The following TTLL2 variants were observed in gnomAD, a reference collection of about 807,000 sequenced individuals.
TTLL2 encodes tubulin tyrosine ligase like 2.
TTLL2 carries 10 observed loss-of-function variants against 7.5 expected under a neutral mutation model. That is an observed-to-expected ratio of 1.33 (90% CI 0.82 to 2.25). The LOEUF (loss-of-function observed/expected upper bound fraction) is 2.25, where lower values mean the gene tolerates loss of function less well. Among genes scored for constraint, TTLL2 ranks in the 30% most tolerant of loss-of-function variants. The probability of loss-of-function intolerance (pLI) is 0.00; values close to 1 mark genes in which losing one functional copy is unlikely to be tolerated. For synonymous variants in TTLL2, 284 were observed against 280.3 expected (o/e 1.01, Z -0.13); for missense variants, 733 against 735.7 (o/e 1.00, Z 0.04).
chr6:167,336,598 A>G (rs1778985851), intron 1 of TTLL2, among the ~76,000 whole-genome samples: 2 of 152,108 alleles, frequency 1.3e-5, no homozygotes, highest in African/African-American at 4.8e-5. Flanking sequence ...GAAAATCTGC[A>G]GGGAGAACTG....
chr6:167,330,532 C>T (rs751811983), intron 1 of TTLL2, among the ~76,000 whole-genome samples: 124 of 151,562 alleles, frequency 8.2e-4, no homozygotes, highest in Non-Finnish European at 1.5e-3. Flanking sequence ...GCACTCCAGC[C>T]TGGGGGACAA....
Position 167,341,868 on chromosome 6 carries a change from T to A in TTLL2, c.*189T>A, listed in dbSNP as rs1245430776. The stretch of plus-strand genomic sequence containing the variant: ...AAAGCACAATATGTTCAAGTGGTGA[T>A]TAAACTACATTACATCCCATGTTTA... On this transcript the variant is annotated 3_prime_UTR_variant, in exon 3 of 3. Coordinates refer to ENST00000239587, the MANE Select transcript of TTLL2 (RefSeq NM_031949.5). 1 of 616,658 alleles carries A rather than the reference T, an allele frequency of 1.6e-6. No individual in the cohort carries two copies. The highest frequency in any genetic ancestry group is 2.7e-6 in the Non-Finnish European group (1 of 367,166). 38.2% of individuals were successfully genotyped at this position (616,658 alleles called of 1,614,324 possible).
rs1174762850 is a variant in TTLL2 at position 167,340,473 on chromosome 6, C to A, written c.573C>A (p.Phe191Leu). 6.2e-7 allele frequency: 1 copy of A among 1,614,076 alleles called. No individual in the cohort carries two copies. The highest frequency in any genetic ancestry group is 8.5e-7 in the Non-Finnish European group (1 of 1,180,020). The change falls in exon 3 of 3, where the codon TTC (phenylalanine) becomes TTA (leucine). Residue 191 changes from phenylalanine (F) to leucine (L), a missense_variant. By Grantham distance (22) the Phe-to-Leu change is conservative. Transcript: ENST00000239587. Reference sequence around the variant, plus strand: ...TCATGCCCAATGACTATACCAAGTTCGTGGCTGAATACTTTCAGGAGAGGC... The same window carrying A: ...TCATGCCCAATGACTATACCAAGTTAGTGGCTGAATACTTTCAGGAGAGGC... The part of the protein sequence containing the change: ...TFVMPNDYTK[F>L]VAEYFQERQM...
rs577971271 is a variant in TTLL2 at position 167,341,742 on chromosome 6, A to T, written c.*63A>T. On this transcript the variant is annotated 3_prime_UTR_variant, in exon 3 of 3. Transcript: ENST00000239587. ...TTTTAAAAACCAAGGATCCTGTCCT[A>T]GAGAAAGCAATAGTTCAAGTCCCTA... 6.0e-6 allele frequency: 9 copies of T among 1,494,404 alleles called. No individual in the cohort carries two copies. In the South Asian group the frequency reaches 9.8e-5, roughly 16 times the overall value. The allele number at this position is 1,494,404 out of a possible 1,614,324, so 92.6% of individuals were successfully genotyped here.
chr6:167,328,908 C>T (rs2071924988), intron 1 of TTLL2, among the ~76,000 whole-genome samples: 2 of 152,252 alleles, frequency 1.3e-5, no homozygotes, highest in East Asian at 3.9e-4. Context: ...TGTCCACTCT[C>T]TGAATGTGCA....
intron 1 of TTLL2, among the ~76,000 whole-genome samples, chr6:167,331,023 T>C (rs894246416): frequency 3.9e-5 from 6 of 152,212 alleles, no homozygotes; most frequent in African/African-American, 1.2e-4. Flanking sequence ...GGTGAGGTCA[T>C]GGTGCACCAG....
Position 167,341,611 on chromosome 6 carries a change from A to G in TTLL2, c.1711A>G (p.Arg571Gly). 1 of 1,614,228 alleles carries G rather than the reference A, an allele frequency of 6.2e-7. No individual in the cohort carries two copies. Residue 571 changes from arginine (R) to glycine (G), a missense_variant, in exon 3 of 3, where the codon AGG (arginine) becomes GGG (glycine). By Grantham distance (125) the Arg-to-Gly change is moderately radical. Coordinates refer to ENST00000239587, the MANE Select transcript of TTLL2 (RefSeq NM_031949.5). The part of the protein sequence containing the change: ...PFNEATLGAS[R>G]NGLNVKRIIQ... The stretch of plus-strand genomic sequence containing the variant: ...CAATGAAGCAACTCTCGGAGCTTCC[A>G]GGAATGGATTAAATGTCAAAAGAAT...
At chr6:167,325,746 G>A (rs1778840347) in intron 1 of TTLL2, among the ~76,000 whole-genome samples, 4 of 152,088 alleles carry the variant, frequency 2.6e-5, no homozygotes, top group Admixed American at 2.0e-4. Context: ...TGGACCCCAC[G>A]GGGGAAAAGA....
chr6:167,341,132 T>C lies in TTLL2; in HGVS notation c.1232T>C (p.Ile411Thr). 1 of 1,613,886 alleles carries C rather than the reference T, an allele frequency of 6.2e-7. No individual in the cohort carries two copies. The highest frequency in any genetic ancestry group is 8.5e-7 in the Non-Finnish European group (1 of 1,179,992). Residue 411 changes from isoleucine to threonine, a missense_variant, in exon 3 of 3, where the codon ATT (isoleucine) becomes ACT (threonine). Coordinates refer to ENST00000239587, the MANE Select transcript of TTLL2 (RefSeq NM_031949.5). ...GTGAAGAGAAAACTTGTCCATGATA[T>C]TATTGACCTGATTTACTTAAATGGT... The part of the protein sequence containing the change: ...VLVKRKLVHD[I>T]IDLIYLNGLR...
chr6:167,340,703 T>C lies in TTLL2; in HGVS notation c.803T>C (p.Leu268Ser), dbSNP rs768248107. Residue 268 changes from leucine to serine, a missense_variant, in exon 3 of 3, where the codon TTG becomes TCG. Physicochemically the swap from Leu to Ser is moderately radical, Grantham distance 145. Coordinates refer to ENST00000239587, the MANE Select transcript of TTLL2 (RefSeq NM_031949.5). Reference sequence around the variant, plus strand: ...GTTTGTGTTACTGGCTTTAAGCCTTTGACCATTTATGTTTATCAGGAAGGG... The same window carrying C: ...GTTTGTGTTACTGGCTTTAAGCCTTCGACCATTTATGTTTATCAGGAAGGG... ...IYVCVTGFKP[L>S]TIYVYQEGLV... 6.2e-7 allele frequency: 1 copy of C among 1,614,238 alleles called. No individual in the cohort carries two copies. Among genetic ancestry groups the C allele is most frequent in the Non-Finnish European group, 8.5e-7 (1 of 1,180,048 alleles).
intron 1 of TTLL2, among the ~76,000 whole-genome samples, chr6:167,334,025 T>A (rs2115216178): frequency 7.6e-6 from 1 of 131,194 alleles, no homozygotes; most frequent in South Asian, 2.8e-4. Context: ...GTTCTTTTAA[T>A]TGTGATGTTA....
chr6:167,340,104 G>A lies in TTLL2; in HGVS notation c.205-1G>A. The A allele has an allele frequency of 6.4e-7, 1 of 1,561,968 alleles. No individual in the cohort carries two copies. Among genetic ancestry groups the A allele is most frequent in the Non-Finnish European group, 8.6e-7 (1 of 1,157,096 alleles). ...AACCTTTCTCAATGATCCATTTTTA[G>A]AAAAAACCTCATTTGATGGCGGAAG... On this transcript the variant is annotated splice_acceptor_variant, in intron 2 of 2. Transcript: ENST00000239587. LOFTEE classifies it high-confidence loss of function.
chr6:167,331,202 T>C (rs897286131), intron 1 of TTLL2, among the ~76,000 whole-genome samples: 6 of 152,236 alleles, frequency 3.9e-5, no homozygotes, highest in African/African-American at 1.4e-4. Flanking sequence ...AACGATCTGA[T>C]CAGAGTAATT....
chr6:167,341,601 C>T lies in TTLL2; in HGVS notation c.1701C>T (p.Leu567=), dbSNP rs779283642. The T allele has an allele frequency of 8.7e-6, 14 of 1,614,034 alleles. No individual in the cohort carries two copies. Among genetic ancestry groups the T allele is most frequent in the African/African-American group, 4.0e-5 (3 of 74,892 alleles). Residue 567 remains leucine, a synonymous_variant, in exon 3 of 3, where the codon CTC becomes CTT. Transcript: ENST00000239587. ...VLVFPFNEAT[L]GASRNGLNVK... ...TTTTTCCTTTCAATGAAGCAACTCT[C>T]GGAGCTTCCAGGAATGGATTAAATG...
chr6:167,340,836 C>G lies in TTLL2; in HGVS notation c.936C>G (p.Ile312Met). The G allele has an allele frequency of 6.2e-7, 1 of 1,614,160 alleles. No individual in the cohort carries two copies. Among genetic ancestry groups the G allele is most frequent in the South Asian group, 1.1e-5 (1 of 91,076 alleles). The change falls in exon 3 of 3, where the codon ATC (isoleucine) becomes ATG (methionine). Residue 312 changes from isoleucine to methionine, a missense_variant. Transcript: ENST00000239587. ...INKSGASYEKIKEVIGHGCKW... is the reference protein window; with the variant it reads ...INKSGASYEKMKEVIGHGCKW... Reference sequence around the variant, plus strand: ...AATCCGGGGCCTCTTATGAGAAGATCAAAGAAGTGATTGGTCATGGTTGTA... The same window carrying G: ...AATCCGGGGCCTCTTATGAGAAGATGAAAGAAGTGATTGGTCATGGTTGTA...
intron 1 of TTLL2, among the ~76,000 whole-genome samples, chr6:167,338,076 A>G (rs1355585084): frequency 6.6e-6 from 1 of 151,996 alleles, no homozygotes; most frequent in Non-Finnish European, 1.5e-5. Context: ...ACATACAAGC[A>G]GCACAAACAA....
At chr6:167,327,910 A>G (rs193224395) in intron 1 of TTLL2, 10 of 437,230 alleles carry the variant, frequency 2.3e-5, no homozygotes, top group African/African-American at 1.2e-4. Flanking sequence ...TTGGTTCTCT[A>G]TGTTGGTGAA....
rs76918157 is a variant in TTLL2, at chr6:167,327,285, C to T, written c.47+2065C>T. ...TGACTTTGAGTTCTGTCCTTTGTCC[C>T]GTGCCTGTGAAGATGAGTTATCATC... On this transcript the variant is annotated intron_variant, in intron 1 of 2. Coordinates refer to ENST00000239587, the MANE Select transcript of TTLL2 (RefSeq NM_031949.5). Among the ~76,000 whole-genome samples the T allele has an allele frequency of 1.7e-4, 26 of 152,238 alleles. No homozygotes were observed. In the East Asian group the frequency reaches 2.9e-3, roughly 17 times the overall value.
chr6:167,329,941 TATAA>T (rs1778898513), intron 1 of TTLL2, among the ~76,000 whole-genome samples: 1 of 152,200 alleles, frequency 6.6e-6, no homozygotes, highest in South Asian at 2.1e-4. Context: ...CATGTATATG[TATAA>T]ATATACACCC....
Sources: gnomAD v4.1 joint callset for allele counts (sites outside exome capture counted in the v4.1 genomes callset) on GRCh38, gnomAD v4.1.1 for gene constraint, MANE v1.5 for transcripts, NCBI Gene and HGNC (gene_info 2026-07-23, HGNC 2026-07-21) for gene names.